EXOC4: variants seen among roughly 807,000 people sequenced by gnomAD.
The protein encoded by EXOC4 is SEC8-like 1.
EXOC4 carries 71 observed loss-of-function variants against 107.2 expected under a neutral mutation model. The observed-to-expected ratio is 0.66, with a 90% CI of 0.55 to 0.81. The LOEUF (loss-of-function observed/expected upper bound fraction) is 0.81, where lower values mean the gene tolerates loss of function less well. Ranked by LOEUF, EXOC4 falls within the 30% of genes least tolerant of loss-of-function variation. The pLI is 0.00. For missense variants in EXOC4, 1,108 were observed against 1,189.6 expected, an observed-to-expected ratio of 0.93 and a Z score of 1.01; for synonymous variants, 456 against 441.2, an observed-to-expected ratio of 1.03 and a Z score of -0.42.
At chr7:133,838,427 C>G (rs978837852) in intron 11 of EXOC4, among the ~76,000 whole-genome samples, 1 of 152,148 alleles carries the variant, frequency 6.6e-6, no homozygotes, top group African/African-American at 2.4e-5. Flanking sequence ...TTCCTTTTCT[C>G]TCATCTTTAT....
At chr7:133,427,598 C>T (rs1349092642) in intron 7 of EXOC4, among the ~76,000 whole-genome samples, 1 of 152,196 alleles carries the variant, frequency 6.6e-6, no homozygotes. Context: ...TTGCCATCTA[C>T]AAGTGCGTTG....
rs146295561 is a variant in EXOC4 at position 133,665,197 on chromosome 7, A to G, written c.1514+35056A>G. Among the ~76,000 whole-genome samples the G allele has an allele frequency of 1.8e-3, 273 of 152,242 alleles. 1 individual carries two copies. The highest frequency in any genetic ancestry group is 6.1e-3 in the African/African-American group (255 of 41,562). On this transcript the variant is annotated intron_variant, in intron 10 of 17. Transcript: ENST00000253861. The stretch of plus-strand genomic sequence containing the variant: ...TACTGATTTCTTCCACTTTCCATGC[A>G]TTTGTTTCCATTATTAATTTAAGTG...
At chr7:133,403,681 G>A (rs1797144993) in intron 7 of EXOC4, among the ~76,000 whole-genome samples, 1 of 152,140 alleles carries the variant, frequency 6.6e-6, no homozygotes, top group Non-Finnish European at 1.5e-5. Context: ...TGTAATCCCA[G>A]CACTTTGGGA....
intron 7 of EXOC4, among the ~76,000 whole-genome samples, chr7:133,435,619 T>G (rs933108689): frequency 6.6e-6 from 1 of 152,202 alleles, no homozygotes; most frequent in Non-Finnish European, 1.5e-5. Flanking sequence ...TTCTTAGTGG[T>G]CCAGGCTGCC....
chr7:133,715,763 GAGAA>G (rs1794987118), intron 10 of EXOC4, among the ~76,000 whole-genome samples: 1 of 152,136 alleles, frequency 6.6e-6, no homozygotes, highest in Non-Finnish European at 1.5e-5. Context: ...CTTTCAGAGA[GAGAA>G]AGGAAGGGAA....
intron 10 of EXOC4, among the ~76,000 whole-genome samples, chr7:133,761,710 T>A (rs922747360): frequency 6.6e-6 from 1 of 152,202 alleles, no homozygotes; most frequent in African/African-American, 2.4e-5. Flanking sequence ...TGCGGTCAAG[T>A]TGTTGATTGA....
At position 133,310,428 on chromosome 7, in the gene EXOC4, A is replaced by G. The variant is rs142362589; in HGVS notation, c.656+4367A>G. Among the ~76,000 whole-genome samples the G allele has an allele frequency of 2.6e-3, 400 of 152,350 alleles. 3 individuals carry two copies. The highest frequency in any genetic ancestry group is 8.7e-3 in the African/African-American group (362 of 41,580). On this transcript the variant is annotated intron_variant, in intron 4 of 17. Coordinates refer to ENST00000253861, the MANE Select transcript of EXOC4 (RefSeq NM_021807.4). ...TCCTAGAATAACATTGTGTCCTTCA[A>G]GGTCCTCTGCTGATGAGAGAAAAAA...
At chr7:134,013,813 G>A (rs1272279727) in intron 17 of EXOC4, among the ~76,000 whole-genome samples, 5 of 152,138 alleles carry the variant, frequency 3.3e-5, no homozygotes, top group African/African-American at 1.2e-4. Flanking sequence ...TTAGGGAAAT[G>A]CAAATTAAAA....
chr7:134,069,934 G>A (rs1004949618), downstream of EXOC4, among the ~76,000 whole-genome samples: 8 of 152,206 alleles, frequency 5.3e-5, no homozygotes, highest in African/African-American at 1.9e-4. Context: ...GAGACCAGGG[G>A]CCAGCTCCAA....
At chr7:134,068,523 CT>C (rs762611670), downstream of EXOC4, among the ~76,000 whole-genome samples, 907 of 13,898 alleles carry the variant, frequency 0.065, 5 homozygotes, top group Non-Finnish European at 0.077. Context: ...CATTAAACCT[CT>C]TTTTCATTAT....
intron 10 of EXOC4, among the ~76,000 whole-genome samples, chr7:133,780,087 G>T (rs1168319290): frequency 6.6e-6 from 1 of 152,074 alleles, no homozygotes; most frequent in African/African-American, 2.4e-5. Flanking sequence ...GGAAGAGCAG[G>T]GGTTAGATGC....
At position 133,638,859 on chromosome 7, in the gene EXOC4, C is replaced by T. The variant is rs938353664; in HGVS notation, c.1514+8718C>T. On this transcript the variant is annotated intron_variant, in intron 10 of 17. Coordinates refer to ENST00000253861, the MANE Select transcript of EXOC4 (RefSeq NM_021807.4). Reference sequence around the variant, plus strand: ...AGCTGATATTTTAGATGCAGGTTTTCGTCTCTTTATCAATTATTTTTTTTT... The same window carrying T: ...AGCTGATATTTTAGATGCAGGTTTTTGTCTCTTTATCAATTATTTTTTTTT... Among the ~76,000 whole-genome samples the T allele has an allele frequency of 4.6e-5, 7 of 151,930 alleles. No homozygotes were observed. In the South Asian group the frequency reaches 8.3e-4, roughly 18 times the overall value.
At chr7:133,549,045 C>T (rs1800537716) in intron 9 of EXOC4, among the ~76,000 whole-genome samples, 1 of 152,154 alleles carries the variant, frequency 6.6e-6, no homozygotes, top group South Asian at 2.1e-4. Context: ...GCTTTGTCAC[C>T]CAGGCCAGAG....
Position 133,862,239 on chromosome 7 carries a change from T to C in EXOC4, c.1735-33360T>C, listed in dbSNP as rs148664202. 2.4e-3 allele frequency among the ~76,000 whole-genome samples: 366 copies of C among 151,996 alleles called. 5 individuals carry two copies. The highest frequency in any genetic ancestry group is 8.2e-3 in the African/African-American group (342 of 41,472). ...GGGCGTGGTGGTTCACGCCTGTAAT[T>C]CTAGCACTTTGGGAGGCTGAGGCAG... On this transcript the variant is annotated intron_variant, in intron 11 of 17. Transcript: ENST00000253861.
At chr7:133,587,815 A>G (rs1031995656) in intron 9 of EXOC4, among the ~76,000 whole-genome samples, 9 of 152,268 alleles carry the variant, frequency 5.9e-5, no homozygotes, top group African/African-American at 1.2e-4. Context: ...TTTCCTGCCA[A>G]TGATGACATG....
At position 133,622,446 on chromosome 7, in the gene EXOC4, T is replaced by C. The variant is rs527977895; in HGVS notation, c.1418-7599T>C. ...GGAGCTCTCACCAGCAATTTGAAGGTGAGGATGGGATAAGTATCATCATAG... is the reference window on the plus strand; with the variant it reads ...GGAGCTCTCACCAGCAATTTGAAGGCGAGGATGGGATAAGTATCATCATAG... On this transcript the variant is annotated intron_variant, in intron 9 of 17. Transcript: ENST00000253861. Among the ~76,000 whole-genome samples, 240 of 152,108 alleles carry C rather than the reference T, an allele frequency of 1.6e-3. 1 individual carries two copies. Among genetic ancestry groups the C allele is most frequent in the Non-Finnish European group, 2.4e-3 (162 of 67,982 alleles).
intron 12 of EXOC4, among the ~76,000 whole-genome samples, chr7:133,911,177 A>G (rs2116604727): frequency 6.6e-6 from 1 of 152,318 alleles, no homozygotes; most frequent in South Asian, 2.1e-4. Flanking sequence ...CTGTGAATTA[A>G]TGAGTACATT....
rs186145353 is a variant in EXOC4, at chr7:133,935,873, T to C, written c.2028-2018T>C. Among the ~76,000 whole-genome samples, 3 of 152,314 alleles carry C rather than the reference T, an allele frequency of 2.0e-5. No individual in the cohort carries two copies. In the East Asian group the frequency reaches 5.8e-4, roughly 29 times the overall value. On this transcript the variant is annotated intron_variant, in intron 13 of 17. Transcript: ENST00000253861. ...CTCTTCTTTCTACTTTCATAATTAT[T>C]GAAATTTTCCCAATGAAAAGCTTTA...
Position 133,356,521 on chromosome 7 carries a change from G to A in EXOC4, c.955G>A (p.Ala319Thr), listed in dbSNP as rs753908169. The A allele has an allele frequency of 1.2e-6, 2 of 1,614,104 alleles. No individual in the cohort carries two copies. The highest frequency in any genetic ancestry group is 1.7e-5 in the Admixed American group (1 of 60,008). The change falls in exon 6 of 18, where the codon GCA becomes ACA. Residue 319 changes from alanine to threonine, a missense_variant. Transcript: ENST00000253861. ...QIVKRSTTQV[A>T]DSGYQRGENV... is the part of the protein sequence containing the mutation. ...TGTGAAGAGGTCTACAACCCAGGTG[G>A]CAGACAGTGGCTATCAGCGGGGGGA...
Sources: gnomAD v4.1 joint callset for allele counts (sites outside exome capture counted in the v4.1 genomes callset) on GRCh38, gnomAD v4.1.1 for gene constraint, MANE v1.5 for transcripts, NCBI Gene and HGNC (gene_info 2026-07-23, HGNC 2026-07-21) for gene names.